Variants in MOXD1 observed in about 807,000 individuals in gnomAD.
MOXD1 encodes DBH-like monooxygenase protein 1.
Under a neutral mutation model 66.6 loss-of-function variants are expected in MOXD1, and 62 were observed. The observed-to-expected ratio is 0.93, with a 90% CI of 0.76 to 1.15. The LOEUF is 1.15. Ranked by LOEUF, MOXD1 falls within the 50% of genes most tolerant of loss-of-function variation. MOXD1 has a pLI of 0.00. For missense variants in MOXD1, 847 were observed against 754.6 expected, an observed-to-expected ratio of 1.12 and a Z score of -1.44; for synonymous variants, 303 against 281.9, an observed-to-expected ratio of 1.07 and a Z score of -0.75.
intron 4 of MOXD1, among the ~76,000 whole-genome samples, chr6:132,344,321 T>G (rs542780242): frequency 6.6e-6 from 1 of 152,284 alleles, no homozygotes; most frequent in Non-Finnish European, 1.5e-5. Flanking sequence ...AAGGTGATCA[T>G]GAGGATTGCA....
chr6:132,341,358 C>A (rs550365890), intron 4 of MOXD1, among the ~76,000 whole-genome samples: 2 of 152,270 alleles, frequency 1.3e-5, no homozygotes, highest in South Asian at 2.1e-4. Flanking sequence ...TCCCAGCCTC[C>A]AGAACTGTAA....
chr6:132,301,017 T>G (rs893957524), intron 10 of MOXD1, among the ~76,000 whole-genome samples: 2 of 151,606 alleles, frequency 1.3e-5, no homozygotes, highest in African/African-American at 4.8e-5. Flanking sequence ...TCCTGAATAC[T>G]TTTTTTCAAA....
intron 4 of MOXD1, among the ~76,000 whole-genome samples, chr6:132,360,340 T>C (rs1775991022): frequency 6.6e-6 from 1 of 152,224 alleles, no homozygotes; most frequent in East Asian, 1.9e-4. Flanking sequence ...ATGAAGATAG[T>C]AACACTGCCT....
chr6:132,397,634 GACAGAAAGAA>G lies in MOXD1; in HGVS notation c.264+3519_264+3528del, dbSNP rs758782248. On this transcript the variant is annotated intron_variant, in intron 1 of 11. Transcript: ENST00000367963. The stretch of plus-strand genomic sequence containing the variant: ...TCACAGAGAGAGAGAGAGAGAGAGA[GACAGAAAGAA>G]AGAAAGAAAGAAAGAAAGAAAGAAA... Among the ~76,000 whole-genome samples the G allele has an allele frequency of 5.6e-3, 653 of 115,658 alleles. 5 individuals carry two copies. Among genetic ancestry groups the G allele is most frequent in the African/African-American group, 0.02 (502 of 24,552 alleles). 75.9% of individuals were successfully genotyped at this position (115,658 alleles called of 152,430 possible).
chr6:132,401,112 CCGGACGGGACCGGGCT>C (rs2114706215), intron 1 of MOXD1, 35 bp downstream of exon 1: 1 of 1,436,522 alleles, frequency 7.0e-7, no homozygotes, highest in Non-Finnish European at 9.1e-7. Context: ...TCTCTGGGGT[CCGGACGGGACCGGGCT>C]CGGCCGGGCG....
At chr6:132,312,608 T>G (rs1028394512) in intron 10 of MOXD1, among the ~76,000 whole-genome samples, 9 of 151,406 alleles carry the variant, frequency 5.9e-5, no homozygotes, top group Non-Finnish European at 1.0e-4. Context: ...CTTTTTTTTT[T>G]TCTTTTTTCT....
At chr6:132,356,252 G>A (rs1775908497) in intron 4 of MOXD1, among the ~76,000 whole-genome samples, 1 of 152,164 alleles carries the variant, frequency 6.6e-6, no homozygotes, top group South Asian at 2.1e-4. Flanking sequence ...AAAGAAATCG[G>A]TAAAGGGTTG....
rs554147509 is a variant in MOXD1 at position 132,372,589 on chromosome 6, C to T, written c.663+19G>A. The T allele has an allele frequency of 1.6e-5, 25 of 1,578,508 alleles. No individual in the cohort carries two copies. Among genetic ancestry groups the T allele is most frequent in the Admixed American group, 1.7e-5 (1 of 59,766 alleles). ...TCCACTCATGAAAATTAATTTTAGC[C>T]TATGAATGAGTCACATACCTTTATT... is the stretch of plus-strand genomic sequence containing the variant. On this transcript the variant is annotated intron_variant, in intron 4 of 11. Transcript: ENST00000367963.
In MOXD1 at chr6:132,340,638, A is replaced by ATTT. The variant is rs869205496; in HGVS notation, c.664-12047_664-12045dup. 5.7e-4 allele frequency among the ~76,000 whole-genome samples: 56 copies of ATTT among 98,784 alleles called. 5 individuals are homozygous for ATTT. Among genetic ancestry groups the ATTT allele is most frequent in the East Asian group, 1.6e-3 (4 of 2,460 alleles). The allele number at this position is 98,784 out of a possible 152,430, so 64.8% of individuals were successfully genotyped here. A position where few individuals can be genotyped will look rare whatever the true frequency, so the allele number is the denominator to read the frequency against. ...ACAACATGCTAAAACAACAAGACTC[A>ATTT]TTTTTTTTTTTTTTTTTTTTTTTTT... On this transcript the variant is annotated intron_variant, in intron 4 of 11. Transcript: ENST00000367963.
In MOXD1 at chr6:132,401,275, CG is replaced by C; in HGVS notation, c.151del (p.Arg51AlafsTer48). On this transcript the variant is annotated frameshift_variant, in exon 1 of 12. Coordinates refer to ENST00000367963, the MANE Select transcript of MOXD1 (RefSeq NM_015529.4). LOFTEE classifies it high-confidence loss of function. ...WSQRGSQIAF[R>X]LQVRTAGYVG... ...GTAGCCTGCAGTGCGCACCTGGAGG[CG>C]GAAGGCGATCTGGCTGCCCCGCTGG... is the stretch of plus-strand genomic sequence containing the variant. 6.3e-7 allele frequency: 1 copy of C among 1,598,054 alleles called. No individual in the cohort carries two copies.
intron 10 of MOXD1, among the ~76,000 whole-genome samples, chr6:132,311,934 T>C (rs544528272): frequency 3.4e-4 from 52 of 152,204 alleles, no homozygotes; most frequent in Middle Eastern, 6.8e-3. Flanking sequence ...ATAAAGTGAT[T>C]TTTCTGCAAA....
chr6:132,381,548 G>A (rs991271492), intron 1 of MOXD1, among the ~76,000 whole-genome samples: 10 of 149,552 alleles, frequency 6.7e-5, no homozygotes, highest in Non-Finnish European at 1.0e-4. Context: ...AATAGAAGGA[G>A]AAAAAAAAAG....
At chr6:132,328,726 G>A in intron 4 of MOXD1, 132 bp from the exon 5 acceptor site, 1 of 863,856 alleles carries the variant, frequency 1.2e-6, no homozygotes, top group South Asian at 1.9e-5. Flanking sequence ...TGTCAAGGTT[G>A]TGTAGTTCAA....
chr6:132,392,818 T>C (rs1776794918), intron 1 of MOXD1, among the ~76,000 whole-genome samples: 1 of 152,256 alleles, frequency 6.6e-6, no homozygotes, highest in Admixed American at 6.5e-5. Context: ...ATCATACCTG[T>C]TAATATCCTC....
chr6:132,319,875 C>G (rs148720915), intron 9 of MOXD1, among the ~76,000 whole-genome samples: 1 of 152,076 alleles, frequency 6.6e-6, no homozygotes, highest in African/African-American at 2.4e-5. Context: ...TTAATGAATG[C>G]TTTCTCTACC....
chr6:132,333,981 GAAC>G (rs1030186366), intron 4 of MOXD1, among the ~76,000 whole-genome samples: 1 of 152,156 alleles, frequency 6.6e-6, no homozygotes, highest in Admixed American at 6.5e-5. Flanking sequence ...GAAAAGCAGA[GAAC>G]AACAATAAAC....
At chr6:132,343,715 T>G (rs1329238107) in intron 4 of MOXD1, among the ~76,000 whole-genome samples, 4 of 152,194 alleles carry the variant, frequency 2.6e-5, no homozygotes, top group African/African-American at 9.6e-5. Flanking sequence ...ACCTATCAGT[T>G]TGGCAACATT....
At chr6:132,318,402 A>G (rs1001853863) in intron 9 of MOXD1, among the ~76,000 whole-genome samples, 21 of 151,884 alleles carry the variant, frequency 1.4e-4, no homozygotes, top group Non-Finnish European at 1.8e-4. Flanking sequence ...AAAACATCTC[A>G]CTCTGGTTTA....
chr6:132,362,516 C>G (rs1345822402), intron 4 of MOXD1, among the ~76,000 whole-genome samples: 1 of 152,164 alleles, frequency 6.6e-6, no homozygotes, highest in Non-Finnish European at 1.5e-5. Flanking sequence ...GATGCCAACA[C>G]TTCTAGTTTT....
Sources: gnomAD v4.1 joint callset for allele counts (sites outside exome capture counted in the v4.1 genomes callset) on GRCh38, gnomAD v4.1.1 for gene constraint, MANE v1.5 for transcripts, NCBI Gene and HGNC (gene_info 2026-07-23, HGNC 2026-07-21) for gene names.